MMP26: variants seen among roughly 807,000 people sequenced by gnomAD.
The protein encoded by MMP26 is matrix metalloproteinase-26.
A neutral mutation model predicts 31.0 loss-of-function variants in MMP26; 33 were observed. That is an observed-to-expected ratio of 1.06 (90% CI 0.81 to 1.42). MMP26 has a LOEUF of 1.42. MMP26 is among the 40% of genes most tolerant of loss of function. MMP26 has a pLI of 0.00. For missense variants in MMP26, 347 were observed against 316.1 expected, an observed-to-expected ratio of 1.10 and a Z score of -0.74; for synonymous variants, 122 against 114.9, an observed-to-expected ratio of 1.06 and a Z score of -0.40.
At position 4,759,065 on chromosome 11, in the gene MMP26, C is replaced by T. The variant is rs544482274; in HGVS notation, c.-216-8205C>T. On this transcript the variant is annotated intron_variant, in intron 1 of 7. Transcript: ENST00000380390. The stretch of plus-strand genomic sequence containing the variant: ...GGCAGAGATTGCACTGAGCCGAGAT[C>T]ATGCCACTGCATTCCAGCCTGGGCA... Among the ~76,000 whole-genome samples the T allele has an allele frequency of 2.4e-4, 31 of 128,380 alleles. 1 individual carries two copies. In the Admixed American group the frequency reaches 2.8e-3, roughly 11 times the overall value. 84.2% of individuals were successfully genotyped at this position (128,380 alleles called of 152,430 possible).
At chr11:4,992,146 AG>A in intron 7 of MMP26, 21 bp downstream of exon 7, 1 of 1,612,236 alleles carries the variant, frequency 6.2e-7, no homozygotes, top group Non-Finnish European at 8.5e-7. Context: ...CTTAAGGAAG[AG>A]AAGGGAGATC....
intron 2 of MMP26, among the ~76,000 whole-genome samples, chr11:4,792,306 G>A (rs1047720635): frequency 3.9e-5 from 6 of 152,008 alleles, no homozygotes; most frequent in African/African-American, 9.7e-5. Flanking sequence ...TATTTCCTTC[G>A]GAGGCAACTT....
At chr11:4,710,705 C>T (rs563265631) in intron 1 of MMP26, 5 of 326,314 alleles carry the variant, frequency 1.5e-5, no homozygotes, top group Admixed American at 4.0e-5. Context: ...TATGTCGGTA[C>T]TTCTGATCCT....
intron 2 of MMP26, chr11:4,914,793 C>T: frequency 6.2e-7 from 1 of 1,613,990 alleles, no homozygotes. Context: ...GGATTCATCA[C>T]AGGAGGAAAG....
At chr11:4,902,418 G>A (rs985508763) in intron 2 of MMP26, among the ~76,000 whole-genome samples, 2 of 152,128 alleles carry the variant, frequency 1.3e-5, no homozygotes, top group African/African-American at 4.8e-5. Flanking sequence ...ATGGCTTCCA[G>A]ATGCATCCAT....
intron 2 of MMP26, chr11:4,769,056 C>T: frequency 6.4e-7 from 1 of 1,554,762 alleles, no homozygotes; most frequent in South Asian, 1.2e-5. Context: ...GGGTTGAGCA[C>T]AGGGGGTAAA....
chr11:4,749,723 T>C (rs1006297789), intron 1 of MMP26, among the ~76,000 whole-genome samples: 9 of 152,008 alleles, frequency 5.9e-5, no homozygotes, highest in Non-Finnish European at 1.3e-4. Flanking sequence ...AAAATTGGAT[T>C]GCCAATATGC....
At chr11:4,886,228 G>C (rs1164437702) in intron 2 of MMP26, among the ~76,000 whole-genome samples, 1 of 152,096 alleles carries the variant, frequency 6.6e-6, no homozygotes, top group South Asian at 2.1e-4. Context: ...CAAAATAACT[G>C]TTGGTCTCCT....
chr11:4,934,714 AC>A (rs898550523), intron 2 of MMP26, among the ~76,000 whole-genome samples: 2 of 148,036 alleles, frequency 1.4e-5, no homozygotes, highest in African/African-American at 5.0e-5. Flanking sequence ...TTTAGGTCTA[AC>A]GTTTAAATCT....
At chr11:4,917,031 C>G (rs550859446) in intron 2 of MMP26, among the ~76,000 whole-genome samples, 1 of 152,210 alleles carries the variant, frequency 6.6e-6, no homozygotes, top group Non-Finnish European at 1.5e-5. Flanking sequence ...CAGCAGTGAT[C>G]TTCCATTCTC....
chr11:4,863,227 C>A (rs1850188679), intron 2 of MMP26, among the ~76,000 whole-genome samples: 1 of 152,096 alleles, frequency 6.6e-6, no homozygotes, highest in South Asian at 2.1e-4. Context: ...CTACTGTCAT[C>A]TTCTTTTTAA....
chr11:4,789,981 A>G (rs1019160073), intron 2 of MMP26, among the ~76,000 whole-genome samples: 2 of 152,234 alleles, frequency 1.3e-5, no homozygotes, highest in African/African-American at 4.8e-5. Flanking sequence ...CCTATTAAAT[A>G]TGTAGCATTT....
chr11:4,867,152 C>G (rs1263479272), intron 2 of MMP26, among the ~76,000 whole-genome samples: 1 of 152,070 alleles, frequency 6.6e-6, no homozygotes, highest in Non-Finnish European at 1.5e-5. Flanking sequence ...AGACAACATA[C>G]AGAAAAGGAG....
chr11:4,876,116 T>G (rs1041601586), intron 2 of MMP26: 4 of 152,170 alleles, frequency 2.6e-5, no homozygotes, highest in African/African-American at 9.7e-5. Context: ...CACATTTATA[T>G]CTGCACATCT....
rs145830086 is a variant in MMP26, at chr11:4,924,486, C to T, written c.-144-63582C>T. 1.3e-3 allele frequency: 1,022 copies of T among 786,340 alleles called. 10 individuals are homozygous for T. In the African/African-American group the frequency reaches 0.016, roughly 12 times the overall value. The allele number at this position is 786,340 out of a possible 1,614,324, so 48.7% of individuals were successfully genotyped here. ...GGCATAGGGGAGAACTGGGTGGGGG[C>T]TGATCTATTAGCCTTTTCTACTGGG... On this transcript the variant is annotated intron_variant, in intron 2 of 7. Transcript: ENST00000380390.
intron 2 of MMP26, among the ~76,000 whole-genome samples, chr11:4,825,993 A>C (rs1263625575): frequency 6.6e-6 from 1 of 152,142 alleles, no homozygotes; most frequent in Non-Finnish European, 1.5e-5. Context: ...AGCTTGTTAA[A>C]GAGAGTTATA....
chr11:4,925,578 G>T (rs907477209), intron 2 of MMP26, among the ~76,000 whole-genome samples: 1 of 152,096 alleles, frequency 6.6e-6, no homozygotes, highest in Non-Finnish European at 1.5e-5. Context: ...TGCACCGTGG[G>T]TATGGAGAAA....
chr11:4,923,989 C>T (rs1476370416), intron 2 of MMP26: 1 of 1,614,132 alleles, frequency 6.2e-7, no homozygotes, highest in African/African-American at 1.3e-5. Flanking sequence ...ACATGGATAA[C>T]AGAACTGATG....
intron 2 of MMP26, among the ~76,000 whole-genome samples, chr11:4,888,636 T>A (rs1411075614): frequency 6.6e-6 from 1 of 152,142 alleles, no homozygotes; most frequent in Non-Finnish European, 1.5e-5. Flanking sequence ...AACTTTGCCG[T>A]AACATAGAAA....
Sources: allele counts gnomAD v4.1 joint callset (sites outside exome capture counted in the v4.1 genomes callset), GRCh38; gene constraint gnomAD v4.1.1; transcripts MANE v1.5; gene names NCBI Gene and HGNC (gene_info 2026-07-23, HGNC 2026-07-21).